FERMT2: variants seen among roughly 807,000 people sequenced by gnomAD.
FERMT2 encodes the protein fermitin family homolog 2.
A neutral mutation model predicts 82.7 loss-of-function variants in FERMT2; 15 were observed. That is an observed-to-expected ratio of 0.18 (90% CI 0.12 to 0.28). The LOEUF is 0.28. Among genes scored for constraint, FERMT2 ranks in the 10% least tolerant of loss-of-function variants. The pLI is 1.00. For missense variants in FERMT2, 645 were observed against 809.4 expected (o/e 0.80, Z 2.46); for synonymous variants, 274 against 271.5 (o/e 1.01, Z -0.09).
intron 12 of FERMT2, chr14:52,860,936 G>T: frequency 9.6e-7 from 1 of 1,038,170 alleles, no homozygotes; most frequent in Non-Finnish European, 1.4e-6. Flanking sequence ...CACTACTGGG[G>T]TAAATTCCAT....
At chr14:52,880,889 T>C (rs905677176) in intron 6 of FERMT2, 147 bp downstream of exon 6, 2 of 549,672 alleles carry the variant, frequency 3.6e-6, no homozygotes, top group African/African-American at 3.8e-5. Flanking sequence ...ACAAATACCT[T>C]TGCCTAAAAG....
intron 10 of FERMT2, among the ~76,000 whole-genome samples, chr14:52,865,888 T>C (rs1302019441): frequency 6.6e-6 from 1 of 152,218 alleles, no homozygotes; most frequent in African/African-American, 2.4e-5. Context: ...ACTCCTACCA[T>C]GAATTTTGTA....
In FERMT2 at chr14:52,870,217, C is replaced by T. The variant is rs1031052765; in HGVS notation, c.1273+2582G>A. Reference sequence around the variant, plus strand: ...AGAGCAACTCCCAGTCCTGCAAGCCCCATTCATGGAAACTGCTCTATACAA... The same window carrying T: ...AGAGCAACTCCCAGTCCTGCAAGCCTCATTCATGGAAACTGCTCTATACAA... On this transcript the variant is annotated intron_variant, in intron 10 of 14. Coordinates refer to ENST00000341590, the MANE Select transcript of FERMT2 (RefSeq NM_006832.3). 3.3e-5 allele frequency among the ~76,000 whole-genome samples: 5 copies of T among 151,998 alleles called. No homozygotes were observed. In the East Asian group the frequency reaches 5.8e-4, roughly 18 times the overall value.
At chr14:52,863,927 AATG>A (rs1415427606) in intron 12 of FERMT2, among the ~76,000 whole-genome samples, 1 of 152,188 alleles carries the variant, frequency 6.6e-6, no homozygotes, top group East Asian at 1.9e-4. Context: ...ATGTTAACAG[AATG>A]ATTTCTGCAA....
chr14:52,925,639 G>A (rs1362806177), intron 2 of FERMT2, among the ~76,000 whole-genome samples: 1 of 151,174 alleles, frequency 6.6e-6, no homozygotes, highest in African/African-American at 2.4e-5. Flanking sequence ...TCTCGATGCA[G>A]CAACTCTTTT....
At chr14:52,872,031 G>C (rs1301055802) in intron 10 of FERMT2, 3 of 152,328 alleles carry the variant, frequency 2.0e-5, no homozygotes, top group Non-Finnish European at 4.4e-5. Flanking sequence ...TACTCTACTG[G>C]CGAGCCAGGA....
chr14:52,872,755 T>C (rs966391462), intron 10 of FERMT2, 44 bp downstream of exon 10: 1 of 1,607,044 alleles, frequency 6.2e-7, no homozygotes, highest in Admixed American at 1.7e-5. Flanking sequence ...ATTAGGCCAA[T>C]GGGGATGCCA....
intron 3 of FERMT2, among the ~76,000 whole-genome samples, chr14:52,914,254 C>T (rs1888490630): frequency 1.3e-5 from 2 of 151,758 alleles, no homozygotes; most frequent in South Asian, 4.2e-4. Flanking sequence ...CCTGTGGTCC[C>T]AGCTACTTGG....
chr14:52,918,305 G>A (rs1447851638), intron 3 of FERMT2, among the ~76,000 whole-genome samples: 1 of 152,038 alleles, frequency 6.6e-6, no homozygotes, highest in Non-Finnish European at 1.5e-5. Context: ...GATATGTATG[G>A]ACAAATAAAT....
intron 4 of FERMT2, among the ~76,000 whole-genome samples, chr14:52,888,862 A>AT (rs993740494): frequency 6.6e-6 from 1 of 151,828 alleles, no homozygotes; most frequent in African/African-American, 2.4e-5. Flanking sequence ...ATTTTAATTA[A>AT]TTTTTTTTTT....
intron 3 of FERMT2, among the ~76,000 whole-genome samples, chr14:52,904,345 C>T (rs1032686275): frequency 1.3e-5 from 2 of 152,232 alleles, no homozygotes; most frequent in African/African-American, 2.4e-5. Context: ...GGTGAAACCA[C>T]GCCTCCACTA....
At chr14:52,915,905 G>A (rs1888588422) in intron 3 of FERMT2, among the ~76,000 whole-genome samples, 1 of 152,158 alleles carries the variant, frequency 6.6e-6, no homozygotes, top group South Asian at 2.1e-4. Flanking sequence ...AAGAAGAATG[G>A]ACGAACAGAC....
At chr14:52,865,559 A>G (rs1885223260) in intron 10 of FERMT2, among the ~76,000 whole-genome samples, 1 of 152,154 alleles carries the variant, frequency 6.6e-6, no homozygotes. Flanking sequence ...ACTCTACCTC[A>G]CAGGGATGAT....
chr14:52,881,614 T>C, intron 4 of FERMT2, 145 bp from the exon 5 acceptor site: 1 of 831,834 alleles, frequency 1.2e-6, no homozygotes, highest in Admixed American at 2.9e-5. Flanking sequence ...TTACCTGTTA[T>C]GAAAACATGT....
chr14:52,936,081 G>A (rs925282335), intron 2 of FERMT2, among the ~76,000 whole-genome samples: 3 of 152,176 alleles, frequency 2.0e-5, no homozygotes, highest in African/African-American at 4.8e-5. Context: ...AGGGCTCGGA[G>A]TCCATGCAAT....
chr14:52,917,143 T>C (rs1018717275), intron 3 of FERMT2, among the ~76,000 whole-genome samples: 3 of 152,208 alleles, frequency 2.0e-5, no homozygotes, highest in Non-Finnish European at 4.4e-5. Context: ...AAAACAGCAA[T>C]TTTACTTCTA....
chr14:52,859,828 T>C (rs530031342), intron 13 of FERMT2, 114 bp from the exon 14 acceptor site: 26 of 607,556 alleles, frequency 4.3e-5, no homozygotes, highest in African/African-American at 3.5e-4. Context: ...TTCTTTTTTT[T>C]TTTTTTTGAG....
At chr14:52,885,312 CAAA>C (rs1181582996) in intron 4 of FERMT2, among the ~76,000 whole-genome samples, 10 of 61,060 alleles carry the variant, frequency 1.6e-4, no homozygotes, top group Admixed American at 2.8e-4. Context: ...GACTTAGTCT[CAAA>C]AAAAAAAAAA....
chr14:52,892,424 G>C (rs1272161003), intron 4 of FERMT2, among the ~76,000 whole-genome samples: 1 of 150,640 alleles, frequency 6.6e-6, no homozygotes, highest in African/African-American at 2.4e-5. Flanking sequence ...TTACAGGTGT[G>C]AGCCACAGTA....
Sources: gnomAD v4.1 joint callset for allele counts (sites outside exome capture counted in the v4.1 genomes callset) on GRCh38, gnomAD v4.1.1 for gene constraint, MANE v1.5 for transcripts, NCBI Gene and HGNC (gene_info 2026-07-23, HGNC 2026-07-21) for gene names.